Variants in CROCC2 observed in about 807,000 individuals in gnomAD.
CROCC2 encodes ciliary rootlet coiled-coil protein 2.
Under a neutral mutation model 177.6 loss-of-function variants are expected in CROCC2, and 163 were observed. The ratio of observed to expected loss-of-function variants is 0.92; its 90% CI spans 0.81 to 1.05. CROCC2 has a LOEUF of 1.05. Among genes scored for constraint, CROCC2 ranks in the 50% least tolerant of loss-of-function variants. The pLI is 0.00. For synonymous variants in CROCC2, 904 were observed against 787.3 expected, an observed-to-expected ratio of 1.15 and a Z score of -2.48; for missense variants, 1,929 against 1,797.8, an observed-to-expected ratio of 1.07 and a Z score of -1.32.
chr2:240,947,879 G>C (rs760403635), intron 15 of CROCC2, among the ~76,000 whole-genome samples: 1 of 151,950 alleles, frequency 6.6e-6, no homozygotes, highest in African/African-American at 2.4e-5. Context: ...GGTGGGCCAG[G>C]CCTCCAGTCC....
chr2:240,985,820 C>T (rs919528959), intron 28 of CROCC2: 32 of 397,848 alleles, frequency 8.0e-5, no homozygotes, highest in African/African-American at 6.2e-4. Context: ...CAGGCACTCA[C>T]TCCACACACA....
rs1377676108 is a variant in CROCC2 at position 240,920,019 on chromosome 2, T to C, written c.266T>C (p.Val89Ala). The change falls in exon 3 of 32, where the codon GTG becomes GCG. Residue 89 changes from valine (V) to alanine (A), a missense_variant. Physicochemically the swap from Val to Ala is moderately conservative, Grantham distance 64 (BLOSUM62 0). Coordinates refer to ENST00000690015, the MANE Select transcript of CROCC2 (RefSeq NM_001351305.2). The part of the protein sequence containing the change: ...VQEPTATVAR[V>A]QEENELLQEE... ...GAGCCGACAGCCACTGTGGCCCGAG[T>C]GCAAGAGGAGAACGAGCTCCTGCAG... The C allele has an allele frequency of 4.2e-6, 3 of 716,570 alleles. No individual in the cohort carries two copies. Among genetic ancestry groups the C allele is most frequent in the Admixed American group, 2.0e-5 (1 of 50,010 alleles). 44.4% of individuals were successfully genotyped at this position (716,570 alleles called of 1,614,324 possible).
At chr2:240,984,098 C>A (rs75755171) in intron 28 of CROCC2, among the ~76,000 whole-genome samples, 1 of 152,166 alleles carries the variant, frequency 6.6e-6, no homozygotes, top group Admixed American at 6.5e-5. Context: ...ACGGTCATCA[C>A]CCAGTCCTGT....
chr2:240,907,308 C>T (rs1486693753), intron 1 of CROCC2, among the ~76,000 whole-genome samples: 1 of 152,086 alleles, frequency 6.6e-6, no homozygotes, highest in Non-Finnish European at 1.5e-5. Flanking sequence ...CCCTTGCCTC[C>T]CTACTTCCCA....
At position 240,946,244 on chromosome 2, in the gene CROCC2, C is replaced by A. The variant is rs773836445; in HGVS notation, c.2354C>A (p.Ala785Asp). ...GGCCGGCTCGCAGCTGAAGAGGCAGCTGATCTCAGGTATGCAAGGGCCTGC... is the reference window on the plus strand; with the variant it reads ...GGCCGGCTCGCAGCTGAAGAGGCAGATGATCTCAGGTATGCAAGGGCCTGC... ...RQGRLAAEEA[A>D]DLRVERDSLE... Residue 785 changes from alanine (A) to aspartate (D), a missense_variant, in exon 15 of 32, where the codon GCT becomes GAT. Around this residue, in one of 3 missense-constraint regions of CROCC2, gnomAD observed 1,397 missense variants for 1,239.9 expected, o/e 1.13. Coordinates refer to ENST00000690015, the MANE Select transcript of CROCC2 (RefSeq NM_001351305.2). 1 of 1,532,006 alleles carries A rather than the reference C, an allele frequency of 6.5e-7. No individual in the cohort carries two copies. The highest frequency in any genetic ancestry group is 1.2e-5 in the South Asian group (1 of 83,044). 94.9% of individuals were successfully genotyped at this position (1,532,006 alleles called of 1,614,324 possible). A position where few individuals can be genotyped will look rare whatever the true frequency, so the allele number is the denominator to read the frequency against.
Position 240,964,479 on chromosome 2 carries a change from A to G in CROCC2, c.3319A>G (p.Lys1107Glu), listed in dbSNP as rs1218244511. The change falls in exon 22 of 32, where the codon AAG becomes GAG. Residue 1107 changes from lysine (K) to glutamate (E), a missense_variant. Physicochemically the swap from Lys to Glu is moderately conservative, Grantham distance 56 (BLOSUM62 1). Coordinates refer to ENST00000690015, the MANE Select transcript of CROCC2 (RefSeq NM_001351305.2). ...EQEKASFKRSKEEKEQKLLIL... is the reference protein window; with the variant it reads ...EQEKASFKRSEEEKEQKLLIL... The stretch of plus-strand genomic sequence containing the variant: ...CACCCTCGTCAGTTTTAAGCGGTCC[A>G]AGGAGGAGAAGGAGCAGAAGCTGCT... The G allele has an allele frequency of 2.6e-5, 41 of 1,548,586 alleles. No homozygotes were observed. The highest frequency in any genetic ancestry group is 1.2e-5 in the South Asian group (1 of 83,978).
intron 20 of CROCC2, among the ~76,000 whole-genome samples, chr2:240,961,322 A>C (rs1266810959): frequency 1.3e-5 from 2 of 152,176 alleles, no homozygotes; most frequent in Admixed American, 6.5e-5. Context: ...TGCTGAATGC[A>C]GACACACAAG....
chr2:240,916,112 G>A (rs1392817790), intron 1 of CROCC2, among the ~76,000 whole-genome samples: 1 of 152,118 alleles, frequency 6.6e-6, no homozygotes, highest in East Asian at 1.9e-4. Flanking sequence ...CTGGGGAGTG[G>A]GCGGTGCCGA....
chr2:240,980,151 C>A (rs2059788800), intron 27 of CROCC2, among the ~76,000 whole-genome samples: 1 of 57,998 alleles, frequency 1.7e-5, no homozygotes, highest in Non-Finnish European at 3.2e-5. Flanking sequence ...CTCATCCCTG[C>A]TCAGTCTCTG....
At chr2:240,971,687 A>C (rs1271529140) in intron 27 of CROCC2, among the ~76,000 whole-genome samples, 3 of 152,102 alleles carry the variant, frequency 2.0e-5, no homozygotes, top group Non-Finnish European at 4.4e-5. Context: ...CCTTCTGTTT[A>C]CAGAGGTTCC....
chr2:240,911,625 ACT>A (rs2059289197), intron 1 of CROCC2, among the ~76,000 whole-genome samples: 1 of 151,074 alleles, frequency 6.6e-6, no homozygotes, highest in Admixed American at 6.6e-5. Context: ...CCAAACTGAG[ACT>A]CTGCCCCCAT....
At chr2:240,943,639 C>T (rs758217252) in intron 14 of CROCC2, among the ~76,000 whole-genome samples, 8 of 151,942 alleles carry the variant, frequency 5.3e-5, no homozygotes, top group Non-Finnish European at 8.8e-5. Context: ...AGGCATATGC[C>T]CGGCTAATTT....
At chr2:240,906,612 C>T (rs2059255444) in intron 1 of CROCC2, 21 bp downstream of exon 1, 1 of 398,976 alleles carries the variant, frequency 2.5e-6, no homozygotes, top group Non-Finnish European at 4.4e-6. Context: ...TGGTCACTTC[C>T]CTGCACCCTC....
intron 14 of CROCC2, among the ~76,000 whole-genome samples, chr2:240,943,880 C>G (rs2059508190): frequency 6.6e-6 from 1 of 152,168 alleles, no homozygotes; most frequent in Non-Finnish European, 1.5e-5. Flanking sequence ...GAATTTCAGA[C>G]TCACTTTAAT....
Position 240,918,837 on chromosome 2 carries a change from G to T in CROCC2, c.190G>T (p.Glu64Ter). The T allele has an allele frequency of 1.5e-6, 1 of 650,684 alleles. No individual in the cohort carries two copies. Among genetic ancestry groups the T allele is most frequent in the East Asian group, 2.9e-5 (1 of 34,404 alleles). 40.3% of individuals were successfully genotyped at this position (650,684 alleles called of 1,614,324 possible). The change falls in exon 2 of 32, where the codon GAG (glutamate) becomes TAG (stop). Residue 64 changes from glutamate (E) to a stop codon, truncating the protein, a stop_gained. Coordinates refer to ENST00000690015, the MANE Select transcript of CROCC2 (RefSeq NM_001351305.2). LOFTEE classifies it high-confidence loss of function. This position sits in a 1 kb window ranked among gnomAD's most constrained non-coding sequence, Gnocchi z 6.3. ...CACCCCCGTGCCCACCCGCATCCGT[G>T]AGATCGTGGCCGGCAGCCTGAGTGA... ...SPTPVPTRIR[E>*]IVAGSLSEEP...
Position 240,919,976 on chromosome 2 carries a change from C to T in CROCC2, c.230-7C>T, listed in dbSNP as rs992430171. On this transcript the variant is annotated splice_polypyrimidine_tract_variant and splice_region_variant and intron_variant, in intron 2 of 31. Coordinates refer to ENST00000690015, the MANE Select transcript of CROCC2 (RefSeq NM_001351305.2). ...TGGCCACCCAGGCTGACCCAGGTAC[C>T]GTGCAGCAGGGGTACAGGAGCCGAC... is the stretch of plus-strand genomic sequence containing the variant. 4.7e-5 allele frequency: 34 copies of T among 716,294 alleles called. No individual in the cohort carries two copies. Among genetic ancestry groups the T allele is most frequent in the African/African-American group, 2.4e-4 (14 of 57,262 alleles). 44.4% of individuals were successfully genotyped at this position (716,294 alleles called of 1,614,324 possible).
intron 28 of CROCC2, among the ~76,000 whole-genome samples, chr2:240,986,487 G>T (rs960796670): frequency 2.6e-5 from 4 of 152,206 alleles, no homozygotes; most frequent in Non-Finnish European, 4.4e-5. Context: ...GTAACCTGTG[G>T]GTCACCCAGC....
At chr2:240,937,706 G>A (rs1056423660) in intron 14 of CROCC2, among the ~76,000 whole-genome samples, 4 of 152,130 alleles carry the variant, frequency 2.6e-5, no homozygotes, top group East Asian at 1.9e-4. Context: ...GGTTCTCCAC[G>A]TGTGCTTCCC....
At chr2:240,944,084 G>A (rs568291968) in intron 14 of CROCC2, among the ~76,000 whole-genome samples, 2 of 152,100 alleles carry the variant, frequency 1.3e-5, no homozygotes, top group African/African-American at 2.4e-5. Flanking sequence ...GAATGTTTTC[G>A]CTGGGTATAG....
Sources: allele counts gnomAD v4.1 joint callset (sites outside exome capture counted in the v4.1 genomes callset), GRCh38; gene constraint gnomAD v4.1.1; regional missense constraint gnomAD v4.1.1; non-coding constraint Gnocchi (gnomAD v3.1); transcripts MANE v1.5; gene names NCBI Gene and HGNC (gene_info 2026-07-23, HGNC 2026-07-21).